CDIP1: variants seen among roughly 807,000 people sequenced by gnomAD.
CDIP1 encodes cell death-inducing p53-target protein 1.
CDIP1 carries 9 observed loss-of-function variants against 17.7 expected under a neutral mutation model. The observed-to-expected ratio is 0.51, with a 90% confidence interval of 0.31 to 0.89. CDIP1 has a LOEUF of 0.89. CDIP1 is among the 40% of genes least tolerant of loss of function. The pLI, the probability that CDIP1 is intolerant of heterozygous loss-of-function variation, is 0.05. For synonymous variants in CDIP1, 117 were observed against 109.5 expected, an observed-to-expected ratio of 1.07 and a Z score of -0.43; for missense variants, 263 against 277.9, an observed-to-expected ratio of 0.95 and a Z score of 0.38.
chr16:4,533,190 G>A (rs2059073013), intron 1 of CDIP1: 1 of 152,288 alleles, frequency 6.6e-6, no homozygotes, highest in Non-Finnish European at 1.5e-5. Flanking sequence ...CTCCAGCAGA[G>A]AAAAGGTGAG....
rs988131218 is a variant in CDIP1, at chr16:4,513,529, G to A, written c.241+167C>T. On this transcript the variant is annotated intron_variant, in intron 4 of 5. Coordinates refer to ENST00000567695, the MANE Select transcript of CDIP1 (RefSeq NM_013399.3). The surrounding 1 kb of genome is among the most constrained non-coding windows in gnomAD (Gnocchi z 4.1). ...AATAAGAGCAGTCCCACCTTCCCAC[G>A]TCCACAGTCCCTGTCCACACACAGC... Among the ~76,000 whole-genome samples the A allele has an allele frequency of 6.6e-6, 1 of 152,076 alleles. No individual in the cohort carries two copies. The highest frequency in any genetic ancestry group is 1.5e-5 in the Non-Finnish European group (1 of 68,016).
chr16:4,513,726 T>G lies in CDIP1; in HGVS notation c.211A>C (p.Met71Leu). 6.2e-7 allele frequency: 1 copy of G among 1,613,406 alleles called. No homozygotes were observed. Among genetic ancestry groups the G allele is most frequent in the Non-Finnish European group, 8.5e-7 (1 of 1,179,604 alleles). ...MPQPGFIPPH[M>L]SADGTYMPPG... is the part of the protein sequence containing the mutation. The stretch of plus-strand genomic sequence containing the variant: ...GGCATGTAGGTGCCATCTGCACTCA[T>G]GTGTGGTGGGATGAAGCCAGGCTGG... Residue 71 changes from methionine to leucine, a missense_variant, in exon 4 of 6, where the codon ATG (methionine) becomes CTG (leucine). By Grantham distance (15) the Met-to-Leu change is conservative. Coordinates refer to ENST00000567695, the MANE Select transcript of CDIP1 (RefSeq NM_013399.3). This position sits in a 1 kb window ranked among gnomAD's most constrained non-coding sequence, Gnocchi z 4.1.
In CDIP1 at chr16:4,513,911, C is replaced by A; in HGVS notation, c.86-60G>T. The A allele has an allele frequency of 1.4e-6, 2 of 1,471,174 alleles. No homozygotes were observed. The highest frequency in any genetic ancestry group is 1.8e-6 in the Non-Finnish European group (2 of 1,094,800). 91.1% of individuals were successfully genotyped at this position (1,471,174 alleles called of 1,614,324 possible). A position where few individuals can be genotyped will look rare whatever the true frequency, so the allele number is the denominator to read the frequency against. The stretch of plus-strand genomic sequence containing the variant: ...TGGAGCCTCTGCACGATGAGCTCGA[C>A]CAGAGGCCACTGTTTTGGGACACAG... On this transcript the variant is annotated intron_variant, in intron 3 of 5. Coordinates refer to ENST00000567695, the MANE Select transcript of CDIP1 (RefSeq NM_013399.3). The surrounding 1 kb of genome is among the most constrained non-coding windows in gnomAD (Gnocchi z 4.1).
Position 4,527,376 on chromosome 16 carries a change from C to T in CDIP1, c.-105+11326G>A, listed in dbSNP as rs370567490. On this transcript the variant is annotated intron_variant, in intron 1 of 5. Coordinates refer to ENST00000567695, the MANE Select transcript of CDIP1 (RefSeq NM_013399.3). Reference sequence around the variant, plus strand: ...TGCTGCGATTACAGGCAAGTGCCACCGCACCCGGTGACACTGTTGCTCTTA... The same window carrying T: ...TGCTGCGATTACAGGCAAGTGCCACTGCACCCGGTGACACTGTTGCTCTTA... 2.4e-4 allele frequency among the ~76,000 whole-genome samples: 37 copies of T among 152,224 alleles called. No homozygotes were observed. The East Asian group carries it at 2.5e-3, about 10-fold the overall frequency.
intron 1 of CDIP1, among the ~76,000 whole-genome samples, chr16:4,521,858 G>C (rs1398168093): frequency 6.6e-6 from 1 of 152,168 alleles, no homozygotes; most frequent in African/African-American, 2.4e-5. Context: ...CAGGGTGGGA[G>C]TGAGGTTGAA....
intron 1 of CDIP1, among the ~76,000 whole-genome samples, chr16:4,522,128 C>G (rs900507726): frequency 6.6e-6 from 1 of 152,206 alleles, no homozygotes; most frequent in Non-Finnish European, 1.5e-5. Context: ...CCTAAGAACT[C>G]AGCTCAGCAG....
rs768569798 is a variant in CDIP1 at position 4,513,756 on chromosome 16, T to C, written c.181A>G (p.Met61Val). ...PPPYEPPGHP[M>V]PQPGFIPPHM... is the part of the protein sequence containing the mutation. ...GGTGGGATGAAGCCAGGCTGGGGCA[T>C]TGGGTGACCCGGCGGCTCATAGGGT... The change falls in exon 4 of 6, where the codon ATG becomes GTG. Residue 61 changes from methionine (M) to valine (V), a missense_variant. Physicochemically the swap from Met to Val is conservative, Grantham distance 21. Transcript: ENST00000567695. This position sits in a 1 kb window ranked among gnomAD's most constrained non-coding sequence, Gnocchi z 4.1. The C allele has an allele frequency of 1.5e-5, 25 of 1,612,952 alleles. No homozygotes were observed. The Admixed American group carries it at 1.8e-4, about 12-fold the overall frequency.
intron 1 of CDIP1, among the ~76,000 whole-genome samples, chr16:4,527,380 C>G (rs943314043): frequency 6.6e-6 from 1 of 152,060 alleles, no homozygotes; most frequent in African/African-American, 2.4e-5. Context: ...TGCCACCGCA[C>G]CCGGTGACAC....
intron 1 of CDIP1, among the ~76,000 whole-genome samples, chr16:4,527,119 G>A (rs1008895779): frequency 2.7e-5 from 4 of 149,260 alleles, no homozygotes; most frequent in South Asian, 2.1e-4. Context: ...ACGGAGTCTC[G>A]CACTGTCGCC....
intron 1 of CDIP1, among the ~76,000 whole-genome samples, chr16:4,521,700 TAA>T (rs111828421): frequency 1.3e-3 from 116 of 90,562 alleles, no homozygotes; most frequent in African/African-American, 2.8e-3. Flanking sequence ...TCATCAATAT[TAA>T]AAAAAAAAAA....
At chr16:4,519,801 C>G (rs1211648718) in intron 1 of CDIP1, among the ~76,000 whole-genome samples, 5 of 152,028 alleles carry the variant, frequency 3.3e-5, no homozygotes, top group Admixed American at 3.3e-4. Context: ...TTCTCACCCC[C>G]TCTCTCGCCA....
intron 1 of CDIP1, among the ~76,000 whole-genome samples, chr16:4,516,342 C>T (rs1002693716): frequency 2.6e-5 from 4 of 151,990 alleles, no homozygotes; most frequent in Non-Finnish European, 5.9e-5. Context: ...AACAGTTGAA[C>T]GATTCTGTGA....
chr16:4,536,035 C>A (rs960249207), intron 1 of CDIP1, among the ~76,000 whole-genome samples: 37 of 152,216 alleles, frequency 2.4e-4, no homozygotes, highest in African/African-American at 8.4e-4. Context: ...CTCCATCCTC[C>A]CCATGGAGCG....
chr16:4,520,430 T>C (rs1221586354), intron 1 of CDIP1, among the ~76,000 whole-genome samples: 2 of 152,166 alleles, frequency 1.3e-5, no homozygotes, highest in African/African-American at 4.8e-5. Context: ...TAAGGGTTAG[T>C]TGCCACAGGA....
In CDIP1 at chr16:4,511,401, T is replaced by TGCAGTGGCAGTGCGAGACCAGGAAGG. The variant is rs1326984031; in HGVS notation, c.*1145_*1170dup. ...CACGATTCACAGTGACAGGAGGCCA[T>TGCAGTGGCAGTGCGAGACCAGGAAGG]GCAGTGGCAGTGCGAGACCAGGAAG... is the stretch of plus-strand genomic sequence containing the variant. On this transcript the variant is annotated 3_prime_UTR_variant, in exon 6 of 6. Coordinates refer to ENST00000567695, the MANE Select transcript of CDIP1 (RefSeq NM_013399.3). 5 of 152,828 alleles carry TGCAGTGGCAGTGCGAGACCAGGAAGG rather than the reference T, an allele frequency of 3.3e-5. No homozygotes were observed. Among genetic ancestry groups the TGCAGTGGCAGTGCGAGACCAGGAAGG allele is most frequent in the Non-Finnish European group, 4.4e-5 (3 of 68,182 alleles). The allele number at this position is 152,828 out of a possible 1,614,324, so 9.5% of individuals were successfully genotyped here.
chr16:4,536,849 G>C (rs1044542385), intron 1 of CDIP1: 2 of 151,876 alleles, frequency 1.3e-5, no homozygotes, highest in Non-Finnish European at 2.9e-5. Flanking sequence ...AGGATCGCTG[G>C]AGACAAGGAG....
chr16:4,521,795 G>A (rs148741516), intron 1 of CDIP1, among the ~76,000 whole-genome samples: 24 of 151,606 alleles, frequency 1.6e-4, no homozygotes, highest in African/African-American at 3.6e-4. Flanking sequence ...CCAGCTGAGC[G>A]AGCTGAGCCT....
At chr16:4,537,470 G>A (rs2059120175) in intron 1 of CDIP1, among the ~76,000 whole-genome samples, 1 of 152,202 alleles carries the variant, frequency 6.6e-6, no homozygotes, top group Non-Finnish European at 1.5e-5. Context: ...AAGCAGCAAA[G>A]AACCCAGGAG....
At chr16:4,530,361 G>C (rs551609671) in intron 1 of CDIP1, among the ~76,000 whole-genome samples, 79 of 152,290 alleles carry the variant, frequency 5.2e-4, no homozygotes, top group African/African-American at 1.8e-3. Flanking sequence ...ATATGAAACA[G>C]TATATAGACT....
Sources: gnomAD v4.1 joint callset for allele counts (sites outside exome capture counted in the v4.1 genomes callset) on GRCh38, gnomAD v4.1.1 for gene constraint, Gnocchi (gnomAD v3.1) non-coding constraint, MANE v1.5 for transcripts, NCBI Gene and HGNC (gene_info 2026-07-23, HGNC 2026-07-21) for gene names.